The following NID2 variants were observed in gnomAD, a reference collection of about 807,000 sequenced individuals.
NID2 encodes the protein nidogen-2.
NID2 carries 83 observed loss-of-function variants against 145.4 expected under a neutral mutation model. The ratio of observed to expected loss-of-function variants is 0.57; its 90% CI spans 0.48 to 0.69. The LOEUF is 0.69. NID2 is among the 30% of genes least tolerant of loss of function. NID2 has a pLI of 0.00. For missense variants in NID2, 1,807 were observed against 1,765.7 expected (o/e 1.02, Z -0.42); for synonymous variants, 739 against 701.3 (o/e 1.05, Z -0.85).
intron 16 of NID2, among the ~76,000 whole-genome samples, chr14:52,013,720 CCA>C (rs1891112159): frequency 6.6e-6 from 1 of 152,138 alleles, no homozygotes; most frequent in African/African-American, 2.4e-5. Context: ...AAGGCTCCAT[CCA>C]CTCCTCTCCC....
At chr14:52,045,795 C>T (rs1892469434) in intron 5 of NID2, among the ~76,000 whole-genome samples, 1 of 152,188 alleles carries the variant, frequency 6.6e-6, no homozygotes, top group Admixed American at 6.5e-5. Context: ...TAAGGGCCAT[C>T]AGGACTTTCT....
At chr14:52,024,865 A>G (rs61971554) in intron 12 of NID2, among the ~76,000 whole-genome samples, 21,122 of 152,114 alleles carry the variant, frequency 0.14, 1,500 homozygotes, top group East Asian at 0.16. Context: ...GAAGGTAATC[A>G]AAGTCTTGCA....
At chr14:52,018,975 C>T (rs1379067422) in intron 14 of NID2, 86 bp downstream of exon 14, 2 of 938,164 alleles carry the variant, frequency 2.1e-6, no homozygotes, top group African/African-American at 1.6e-5. Context: ...TGGTGACTGG[C>T]CCCGTGCCTG....
At chr14:52,052,093 G>A (rs730532) in intron 5 of NID2, among the ~76,000 whole-genome samples, 103,327 of 152,110 alleles carry the variant, frequency 0.68, 36,028 homozygotes, top group Non-Finnish European at 0.78. Flanking sequence ...TCAGGAATGC[G>A]TCTTTACCTC....
chr14:52,044,332 C>T (rs967918796), intron 5 of NID2, among the ~76,000 whole-genome samples: 1 of 138,954 alleles, frequency 7.2e-6, no homozygotes, highest in Non-Finnish European at 1.5e-5. Flanking sequence ...TGCAGTGGCA[C>T]GATCACAGCT....
rs1447023231 is a variant in NID2, at chr14:52,010,969, A to G, written c.3629T>C (p.Ile1210Thr). Reference sequence around the variant, plus strand: ...AGAGCCATCCAGCAGGGCGCTCTCTATCTTATCCAGGACACTGTCCGTCCA... The same window carrying G: ...AGAGCCATCCAGCAGGGCGCTCTCTGTCTTATCCAGGACACTGTCCGTCCA... ...MYWTDSVLDK[I>T]ESALLDGSER... The change falls in exon 18 of 22, where the codon ATA becomes ACA. Residue 1210 changes from isoleucine to threonine, a missense_variant. Physicochemically the swap from Ile to Thr is moderately conservative, Grantham distance 89. Transcript: ENST00000216286. 7 of 1,614,160 alleles carry G rather than the reference A, an allele frequency of 4.3e-6. No individual in the cohort carries two copies. The highest frequency in any genetic ancestry group is 3.3e-4 in the Middle Eastern group (2 of 6,030).
chr14:52,068,605 C>T (rs1304824109), intron 1 of NID2, among the ~76,000 whole-genome samples, 162 bp downstream of exon 1: 5 of 152,234 alleles, frequency 3.3e-5, no homozygotes, highest in Non-Finnish European at 7.3e-5. Flanking sequence ...CCTACAGCAG[C>T]GGGGCAGGCA....
intron 3 of NID2, among the ~76,000 whole-genome samples, chr14:52,058,094 C>T (rs1008675425): frequency 6.6e-6 from 1 of 152,116 alleles, no homozygotes. Context: ...ATGCTGTTTA[C>T]TGCAATGATA....
In NID2 at chr14:52,027,330, C is replaced by A; in HGVS notation, c.2545G>T (p.Ala849Ser). Residue 849 changes from alanine to serine, a missense_variant, in exon 12 of 22, where the codon GCC (alanine) becomes TCC (serine). Coordinates refer to ENST00000216286, the MANE Select transcript of NID2 (RefSeq NM_007361.4). ...RHTCILITPP[A>S]NPCEDGSHTC... The stretch of plus-strand genomic sequence containing the variant: ...TGACTGCCATCCTCACAGGGGTTGG[C>A]AGGTGGGGTGATCACTGAAAAGAGA... 2 of 1,570,800 alleles carry A rather than the reference C, an allele frequency of 1.3e-6. No individual in the cohort carries two copies. Among genetic ancestry groups the A allele is most frequent in the South Asian group, 2.4e-5 (2 of 84,974 alleles).
intron 3 of NID2, among the ~76,000 whole-genome samples, chr14:52,059,835 T>C (rs1265889516): frequency 6.6e-6 from 1 of 152,238 alleles, no homozygotes; most frequent in African/African-American, 2.4e-5. Context: ...TTTTATGTGG[T>C]TCCAAGAGCA....
At position 52,017,855 on chromosome 14, in the gene NID2, T is replaced by G. The variant is rs187390398; in HGVS notation, c.3028+1206A>C. ...AAACAAAAAAAACAGAGTCTCACTC[T>G]GTTGCCAGGCTGGAGGGCAGTGGCA... On this transcript the variant is annotated intron_variant, in intron 14 of 21. Coordinates refer to ENST00000216286, the MANE Select transcript of NID2 (RefSeq NM_007361.4). Among the ~76,000 whole-genome samples, 1,041 of 152,218 alleles carry G rather than the reference T, an allele frequency of 6.8e-3. 46 individuals carry two copies. Among genetic ancestry groups the G allele is most frequent in the Admixed American group, 0.055 (842 of 15,294 alleles).
chr14:52,067,881 G>C lies in NID2; in HGVS notation c.511C>G (p.Arg171Gly). The part of the protein sequence containing the change: ...EQVGAYEEVK[R>G]GALPSGELNT... ...ACCTCTCCCGAGGGCAGCGCCCCGC[G>C]CTTGACCTCCTCGTAAGCGCCTACC... Residue 171 changes from arginine to glycine, a missense_variant, in exon 2 of 22, where the codon CGC (arginine) becomes GGC (glycine). Transcript: ENST00000216286. 1 of 1,612,340 alleles carries C rather than the reference G, an allele frequency of 6.2e-7. No individual in the cohort carries two copies.
At chr14:52,044,475 T>G (rs950849025) in intron 5 of NID2, among the ~76,000 whole-genome samples, 2 of 152,124 alleles carry the variant, frequency 1.3e-5, no homozygotes. Context: ...TTTCACCATG[T>G]TAGCCAGGAT....
Position 52,053,582 on chromosome 14 carries a change from C to T in NID2, c.1426G>A (p.Glu476Lys), listed in dbSNP as rs551372808. Residue 476 changes from glutamate to lysine, a missense_variant, in exon 5 of 22, where the codon GAG (glutamate) becomes AAG (lysine). By Grantham distance (56) the Glu-to-Lys change is moderately conservative. Coordinates refer to ENST00000216286, the MANE Select transcript of NID2 (RefSeq NM_007361.4). ...CCCAGTTTTCTAATGCACTCACCCTCGGTGTTGGAACCTATGTTGTCTTCC... is the reference window on the plus strand; with the variant it reads ...CCCAGTTTTCTAATGCACTCACCCTTGGTGTTGGAACCTATGTTGTCTTCC... ...GLEDNIGSNT[E>K]VFTYNAANKE... 1.2e-5 allele frequency: 19 copies of T among 1,610,982 alleles called. No homozygotes were observed. The South Asian group carries it at 1.2e-4, about 10-fold the overall frequency.
At chr14:52,048,093 C>T (rs1221859774) in intron 5 of NID2, among the ~76,000 whole-genome samples, 3 of 152,288 alleles carry the variant, frequency 2.0e-5, no homozygotes. Flanking sequence ...AGGTGTTGCT[C>T]ATCAATGTCG....
chr14:52,048,012 C>T (rs982258358), intron 5 of NID2, among the ~76,000 whole-genome samples: 2 of 152,160 alleles, frequency 1.3e-5, no homozygotes, highest in African/African-American at 2.4e-5. Flanking sequence ...TTAGCCACCC[C>T]GCCAGTGATT....
In NID2 at chr14:52,036,841, T is replaced by TA. The variant is rs565218362; in HGVS notation, c.2257+1905dup. On this transcript the variant is annotated intron_variant, in intron 9 of 21. Transcript: ENST00000216286. ...CCTTGCAGAGCTTTTGCCCATCTTTTAGTTAGCTTGTTTTTTTATTGAGTT... is the reference window on the plus strand; with the variant it reads ...CCTTGCAGAGCTTTTGCCCATCTTTTAAGTTAGCTTGTTTTTTTATTGAGTT... Among the ~76,000 whole-genome samples, 387 of 140,840 alleles carry TA rather than the reference T, an allele frequency of 2.7e-3. 1 individual carries two copies. Among genetic ancestry groups the TA allele is most frequent in the Middle Eastern group, 7.2e-3 (2 of 278 alleles). The allele number at this position is 140,840 out of a possible 152,430, so 92.4% of individuals were successfully genotyped here. A position where few individuals can be genotyped will look rare whatever the true frequency, so the allele number is the denominator to read the frequency against.
chr14:52,051,444 G>A (rs1028006793), intron 5 of NID2, among the ~76,000 whole-genome samples: 17 of 152,166 alleles, frequency 1.1e-4, no homozygotes, highest in Admixed American at 2.6e-4. Flanking sequence ...GGGAGTCAAG[G>A]TCAAGTCCAA....
chr14:52,056,661 G>A (rs1892855164), intron 3 of NID2, among the ~76,000 whole-genome samples: 1 of 152,076 alleles, frequency 6.6e-6, no homozygotes, highest in Non-Finnish European at 1.5e-5. Context: ...GTGTGATGGT[G>A]TGTGCCTGTA....
Sources: gnomAD v4.1 joint callset for allele counts (sites outside exome capture counted in the v4.1 genomes callset) on GRCh38, gnomAD v4.1.1 for gene constraint, MANE v1.5 for transcripts, NCBI Gene and HGNC (gene_info 2026-07-23, HGNC 2026-07-21) for gene names.